Variants in NOX5 observed in about 807,000 individuals in gnomAD.
NOX5 encodes NADPH oxidase 5.
In NOX5, 76 loss-of-function variants were observed where a neutral mutation model predicts 85.7. That is an observed-to-expected ratio of 0.89 (90% CI 0.74 to 1.07). NOX5 has a LOEUF of 1.07. NOX5 is among the 50% of genes least tolerant of loss of function. NOX5 has a pLI of 0.00. For missense variants in NOX5, 973 were observed against 999.5 expected (o/e 0.97, Z 0.36); for synonymous variants, 405 against 401.4 (o/e 1.01, Z -0.11).
intron 10 of NOX5, among the ~76,000 whole-genome samples, chr15:69,044,882 A>G (rs968468623): frequency 7.2e-5 from 11 of 152,270 alleles, no homozygotes; most frequent in Non-Finnish European, 1.6e-4. Context: ...GCCCCCACTC[A>G]TCCAGTCCTG....
intron 10 of NOX5, 78 bp from the exon 11 acceptor site, chr15:69,046,744 G>C: frequency 7.1e-7 from 1 of 1,414,334 alleles, no homozygotes; most frequent in Non-Finnish European, 9.8e-7. Context: ...GCTCAGACTG[G>C]CAAGGGCAAG....
intron 14 of NOX5, among the ~76,000 whole-genome samples, chr15:69,052,862 A>G (rs907419802): frequency 1.3e-5 from 2 of 152,224 alleles, no homozygotes; most frequent in African/African-American, 4.8e-5. Flanking sequence ...ATATTAATTC[A>G]TTAGAAACTC....
In NOX5 at chr15:69,055,456, G is replaced by A. The variant is rs1223132076; in HGVS notation, c.2122G>A (p.Gly708Arg). The change falls in exon 15 of 16, where the codon GGG becomes AGG. Residue 708 changes from glycine to arginine, a missense_variant. Physicochemically the swap from Gly to Arg is moderately radical, Grantham distance 125. Coordinates refer to ENST00000388866, the MANE Select transcript of NOX5 (RefSeq NM_024505.4). Reference sequence around the variant, plus strand: ...CAAGGAGAAGAAAGACTCCATCACGGGGCTGCAGACGCGCACCCAGCCTGG... The same window carrying A: ...CAAGGAGAAGAAAGACTCCATCACGAGGCTGCAGACGCGCACCCAGCCTGG... ...ANKEKKDSIT[G>R]LQTRTQPGRP... 1 of 1,614,038 alleles carries A rather than the reference G, an allele frequency of 6.2e-7. No homozygotes were observed. Among genetic ancestry groups the A allele is most frequent in the Non-Finnish European group, 8.5e-7 (1 of 1,180,046 alleles).
At position 69,055,367 on chromosome 15, in the gene NOX5, C is replaced by T; in HGVS notation, c.2033C>T (p.Ser678Phe). 6.2e-7 allele frequency: 1 copy of T among 1,614,216 alleles called. No individual in the cohort carries two copies. Among genetic ancestry groups the T allele is most frequent in the Non-Finnish European group, 8.5e-7 (1 of 1,180,040 alleles). The change falls in exon 15 of 16, where the codon TCT becomes TTT. Residue 678 changes from serine to phenylalanine, a missense_variant. Coordinates refer to ENST00000388866, the MANE Select transcript of NOX5 (RefSeq NM_024505.4). ...CTGGAGCTGCATATGTACATGACATCTGCACTGGGCAAGAATGACATGAAG... is the reference window on the plus strand; with the variant it reads ...CTGGAGCTGCATATGTACATGACATTTGCACTGGGCAAGAATGACATGAAG... ...RFLELHMYMT[S>F]ALGKNDMKAI...
rs2050819239 is a variant in NOX5 at position 69,056,877 on chromosome 15, G to A, written c.*181G>A. On this transcript the variant is annotated 3_prime_UTR_variant, in exon 16 of 16. Coordinates refer to ENST00000388866, the MANE Select transcript of NOX5 (RefSeq NM_024505.4). The stretch of plus-strand genomic sequence containing the variant: ...CCAAGGGGCAGATGAACTTCCTCTA[G>A]AACCCAGGGGAAGGGACAGTGCCTT... 2 of 636,498 alleles carry A rather than the reference G, an allele frequency of 3.1e-6. No homozygotes were observed. Among genetic ancestry groups the A allele is most frequent in the African/African-American group, 1.8e-5 (1 of 54,408 alleles). 39.4% of individuals were successfully genotyped at this position (636,498 alleles called of 1,614,324 possible).
At chr15:69,037,455 T>G in intron 8 of NOX5, 1 of 515,232 alleles carries the variant, frequency 1.9e-6, no homozygotes, top group East Asian at 3.4e-5. Flanking sequence ...GGGAGAACAG[T>G]CTCCTTCAGC....
At chr15:69,056,496 T>A (rs1038922517) in intron 15 of NOX5, 69 bp from the exon 16 acceptor site, 13 of 1,580,300 alleles carry the variant, frequency 8.2e-6, no homozygotes, top group Non-Finnish European at 1.0e-5. Context: ...CTCCAGGTGG[T>A]TGTGTCACTG....
intron 14 of NOX5, among the ~76,000 whole-genome samples, chr15:69,054,047 C>G (rs2050780743): frequency 1.3e-5 from 2 of 152,086 alleles, no homozygotes; most frequent in South Asian, 2.1e-4. Context: ...CTCCTTTAGT[C>G]TGGGTGTAGA....
intron 1 of NOX5, among the ~76,000 whole-genome samples, chr15:69,025,606 G>A (rs1157731816): frequency 1.3e-5 from 2 of 152,176 alleles, no homozygotes; most frequent in Non-Finnish European, 2.9e-5. Flanking sequence ...TTAGGAAGTA[G>A]GCAGGTTTGC....
intron 1 of NOX5, among the ~76,000 whole-genome samples, chr15:69,025,475 C>T (rs1032770030): frequency 1.3e-5 from 2 of 152,150 alleles, no homozygotes; most frequent in Non-Finnish European, 2.9e-5. Context: ...CAGGCATCGT[C>T]GCCTTGCTCA....
At chr15:69,024,933 T>C (rs933987790) in intron 1 of NOX5, among the ~76,000 whole-genome samples, 8 of 152,218 alleles carry the variant, frequency 5.3e-5, no homozygotes. Flanking sequence ...TACATGTGTG[T>C]GATATGTATT....
chr15:69,038,749 G>A, intron 8 of NOX5, 108 bp from the exon 9 acceptor site: 2 of 1,473,434 alleles, frequency 1.4e-6, no homozygotes, highest in Admixed American at 1.8e-5. Context: ...CTCGGGGCAT[G>A]CCTGTTTTAT....
intron 10 of NOX5, 66 bp downstream of exon 10, chr15:69,042,871 T>G (rs2050613768): frequency 2.0e-6 from 3 of 1,526,058 alleles, no homozygotes; most frequent in Non-Finnish European, 1.8e-6. Context: ...AGTTGCCTCC[T>G]TCTTCTCAGT....
At chr15:69,034,319 G>A (rs926690203) in intron 5 of NOX5, among the ~76,000 whole-genome samples, 2 of 152,186 alleles carry the variant, frequency 1.3e-5, no homozygotes, top group East Asian at 3.8e-4. Context: ...TTCGATACAT[G>A]CAATGTGTAA....
At chr15:69,029,994 T>G (rs1016883044) in intron 3 of NOX5, 2 of 152,236 alleles carry the variant, frequency 1.3e-5, no homozygotes, top group African/African-American at 4.8e-5. Flanking sequence ...TTCTGCTTTT[T>G]GATAATAGCC....
chr15:69,031,564 G>C lies in NOX5; in HGVS notation c.372G>C (p.Gly124=). 1 of 1,612,374 alleles carries C rather than the reference G, an allele frequency of 6.2e-7. No homozygotes were observed. ...GASAGTEWGA[G]AGPHWASSPL... ...CTGCAGGTACAGAGTGGGGTGCTGG[G>C]GCAGGCCCGCACTGGGCTTCATCCC... is the stretch of plus-strand genomic sequence containing the variant. The change falls in exon 4 of 16, where the codon GGG becomes GGC. Residue 124 remains glycine (G), a synonymous_variant. Transcript: ENST00000388866.
intron 1 of NOX5, among the ~76,000 whole-genome samples, chr15:69,024,667 G>A (rs1428081910): frequency 6.6e-6 from 1 of 152,000 alleles, no homozygotes; most frequent in Non-Finnish European, 1.5e-5. Context: ...ATTTCTTACT[G>A]TAGCTAATTT....
intron 2 of NOX5, among the ~76,000 whole-genome samples, chr15:69,027,358 CAA>C (rs1468872473): frequency 6.6e-6 from 1 of 152,164 alleles, no homozygotes; most frequent in Admixed American, 6.5e-5. Context: ...CATCTTAAGA[CAA>C]AGAGCATTCG....
chr15:69,056,562 C>T lies in NOX5; in HGVS notation c.2167-3C>T. On this transcript the variant is annotated splice_region_variant and splice_polypyrimidine_tract_variant and intron_variant, in intron 15 of 15. Coordinates refer to ENST00000388866, the MANE Select transcript of NOX5 (RefSeq NM_024505.4). ...TTCTCTTCCTCAACCCCACTGACTC[C>T]AGGTGTTCCAGAAAGTGGCTGCTGA... 6.2e-7 allele frequency: 1 copy of T among 1,612,724 alleles called. No individual in the cohort carries two copies. The highest frequency in any genetic ancestry group is 1.1e-5 in the South Asian group (1 of 90,976).
Sources: allele counts gnomAD v4.1 joint callset (sites outside exome capture counted in the v4.1 genomes callset), GRCh38; gene constraint gnomAD v4.1.1; transcripts MANE v1.5; gene names NCBI Gene and HGNC (gene_info 2026-07-23, HGNC 2026-07-21).